The following GALNT13 variants were observed in gnomAD, a reference collection of about 807,000 sequenced individuals.
The protein encoded by GALNT13 is polypeptide N-acetylgalactosaminyltransferase 13.
A neutral mutation model predicts 64.2 loss-of-function variants in GALNT13; 28 were observed. The ratio of observed to expected loss-of-function variants is 0.44; its 90% CI spans 0.32 to 0.60. The LOEUF (loss-of-function observed/expected upper bound fraction) is 0.60, where lower values mean the gene tolerates loss of function less well. Among genes scored for constraint, GALNT13 ranks in the 20% least tolerant of loss-of-function variants. The pLI is 0.05. For missense variants in GALNT13, 577 were observed against 669.8 expected (o/e 0.86, Z 1.53); for synonymous variants, 214 against 224.6 (o/e 0.95, Z 0.42).
At chr2:154,316,612 G>A (rs960844910) in intron 9 of GALNT13, among the ~76,000 whole-genome samples, 11 of 152,228 alleles carry the variant, frequency 7.2e-5, no homozygotes, top group African/African-American at 2.6e-4. Context: ...GGAGATTATG[G>A]GAAGTCCAAA....
chr2:153,523,725 T>G, the GALNT13 span, among the ~76,000 whole-genome samples: 2 of 152,202 alleles, frequency 1.3e-5, no homozygotes, highest in African/African-American at 4.8e-5. Context: ...CTCTTGAATT[T>G]TATATATGGA....
chr2:154,248,737 C>G (rs527521062), intron 7 of GALNT13, among the ~76,000 whole-genome samples: 1 of 152,198 alleles, frequency 6.6e-6, no homozygotes, highest in East Asian at 1.9e-4. Flanking sequence ...ATAGAAACTG[C>G]CCATGTAGAA....
At chr2:153,631,900 G>C in the GALNT13 span, among the ~76,000 whole-genome samples, 1 of 152,166 alleles carries the variant, frequency 6.6e-6, no homozygotes, top group Admixed American at 6.6e-5. Context: ...TGTCCTGAAT[G>C]GTATCGCCTA....
At chr2:154,172,122 G>A (rs1685388290) in intron 4 of GALNT13, among the ~76,000 whole-genome samples, 1 of 151,614 alleles carries the variant, frequency 6.6e-6, no homozygotes, top group African/African-American at 2.4e-5. Flanking sequence ...TTTTGAGGGT[G>A]AATTTCAAAT....
At chr2:153,581,147 A>G in the GALNT13 span, among the ~76,000 whole-genome samples, 1 of 152,068 alleles carries the variant, frequency 6.6e-6, no homozygotes, top group African/African-American at 2.4e-5. Flanking sequence ...AGTATGTGGG[A>G]CATTGAGTTG....
chr2:153,983,567 G>A (rs533574280), intron 3 of GALNT13, among the ~76,000 whole-genome samples: 4 of 151,818 alleles, frequency 2.6e-5, no homozygotes, highest in African/African-American at 9.7e-5. Flanking sequence ...TAAATGGATG[G>A]TTTTATGTTT....
the GALNT13 span, among the ~76,000 whole-genome samples, chr2:153,134,755 T>G: frequency 1.3e-5 from 2 of 152,142 alleles, no homozygotes; most frequent in African/African-American, 4.8e-5. Flanking sequence ...TCTTGACTCC[T>G]TTCTCTTTTT....
At chr2:153,392,125 A>C in the GALNT13 span, among the ~76,000 whole-genome samples, 1 of 148,918 alleles carries the variant, frequency 6.7e-6, no homozygotes, top group Admixed American at 6.7e-5. Flanking sequence ...ATAATATATA[A>C]ATTAAATTAA....
chr2:154,416,668 T>C (rs1700020723), intron 11 of GALNT13, among the ~76,000 whole-genome samples: 1 of 152,156 alleles, frequency 6.6e-6, no homozygotes, highest in African/African-American at 2.4e-5. Context: ...TCATGAGTTA[T>C]CTCTTTACCC....
chr2:153,610,920 T>G, the GALNT13 span, among the ~76,000 whole-genome samples: 1 of 152,032 alleles, frequency 6.6e-6, no homozygotes, highest in Non-Finnish European at 1.5e-5. Flanking sequence ...AAAGTCCAAC[T>G]AATAATTTCT....
chr2:154,287,155 G>C (rs1258989832), intron 8 of GALNT13: 1 of 1,475,532 alleles, frequency 6.8e-7, no homozygotes. Flanking sequence ...TCACAGAAGC[G>C]GTGGAAGCCA....
At chr2:153,942,442 C>G (rs1017082038) in intron 2 of GALNT13, among the ~76,000 whole-genome samples, 15 of 152,120 alleles carry the variant, frequency 9.9e-5, no homozygotes, top group African/African-American at 3.6e-4. Context: ...AGACTGAAGA[C>G]AGAACATTTG....
the GALNT13 span, among the ~76,000 whole-genome samples, chr2:153,635,213 T>C: frequency 3.9e-5 from 6 of 152,028 alleles, no homozygotes; most frequent in East Asian, 1.2e-3. Flanking sequence ...TCCTGCCCAG[T>C]TGAAACATTT....
the GALNT13 span, among the ~76,000 whole-genome samples, chr2:153,756,197 G>A: frequency 6.6e-6 from 1 of 152,030 alleles, no homozygotes; most frequent in Non-Finnish European, 1.5e-5. Flanking sequence ...TTATGTATAA[G>A]ATCACATTTA....
At chr2:153,870,453 T>C (rs897469133), upstream of GALNT13, among the ~76,000 whole-genome samples, 5 of 151,906 alleles carry the variant, frequency 3.3e-5, no homozygotes, top group African/African-American at 1.2e-4. Context: ...CAGTATGCCA[T>C]GTAGAGGTGA....
the GALNT13 span, among the ~76,000 whole-genome samples, chr2:153,338,054 A>G: frequency 6.6e-6 from 1 of 152,256 alleles, no homozygotes; most frequent in East Asian, 1.9e-4. Context: ...CTATGATCTC[A>G]GTACTTTGGG....
chr2:154,204,598 T>A (rs1687342119), intron 4 of GALNT13, among the ~76,000 whole-genome samples: 1 of 152,216 alleles, frequency 6.6e-6, no homozygotes. Flanking sequence ...GTTAAATTTC[T>A]AAACCAATAA....
intron 4 of GALNT13, among the ~76,000 whole-genome samples, chr2:154,145,084 CTATCTATCTATCTATCTA>C (rs1192901354): frequency 2.4e-4 from 27 of 114,658 alleles, no homozygotes; most frequent in African/African-American, 8.1e-4. Context: ...ATCTATCTAT[CTATCTATCTATCTATCTA>C]TATATATATA....
At chr2:154,355,526 C>G (rs1269319959) in intron 9 of GALNT13, among the ~76,000 whole-genome samples, 1 of 151,960 alleles carries the variant, frequency 6.6e-6, no homozygotes, top group Non-Finnish European at 1.5e-5. Context: ...CTTATGTTTT[C>G]TTTTGGCATA....
Sources: allele counts gnomAD v4.1 joint callset (sites outside exome capture counted in the v4.1 genomes callset), GRCh38; gene constraint gnomAD v4.1.1; transcripts MANE v1.5; gene names NCBI Gene and HGNC (gene_info 2026-07-23, HGNC 2026-07-21).